CAMK1D: variants seen among roughly 807,000 people sequenced by gnomAD.
The protein encoded by CAMK1D is calcium/calmodulin-dependent protein kinase type 1D.
In CAMK1D, 9 loss-of-function variants were observed where a neutral mutation model predicts 47.7. The observed-to-expected ratio is 0.19, with a 90% CI of 0.11 to 0.33. The LOEUF is 0.33. Ranked by LOEUF, CAMK1D falls within the 10% of genes least tolerant of loss-of-function variation. The pLI is 1.00. For synonymous variants in CAMK1D, 184 were observed against 184.9 expected (o/e 0.99, Z 0.04); for missense variants, 291 against 488.7 (o/e 0.60, Z 3.81).
At chr10:12,489,201 G>A (rs1055531106) in intron 1 of CAMK1D, among the ~76,000 whole-genome samples, 1 of 152,184 alleles carries the variant, frequency 6.6e-6, no homozygotes, top group African/African-American at 2.4e-5. Context: ...GCCTCCCAAA[G>A]TGCTGAGATT....
chr10:12,378,520 C>T (rs868260761), intron 1 of CAMK1D, among the ~76,000 whole-genome samples: 5 of 150,030 alleles, frequency 3.3e-5, no homozygotes, highest in Non-Finnish European at 3.0e-5. Flanking sequence ...TAGGTACGAA[C>T]CACTGTGACT....
At chr10:12,670,449 C>T (rs971220032) in intron 3 of CAMK1D, among the ~76,000 whole-genome samples, 1 of 151,496 alleles carries the variant, frequency 6.6e-6, no homozygotes, top group Non-Finnish European at 1.5e-5. Flanking sequence ...TATTTTCTTC[C>T]ATTTTGTAGC....
Position 12,497,868 on chromosome 10 carries a change from G to A in CAMK1D, c.93-55357G>A, listed in dbSNP as rs567278053. On this transcript the variant is annotated intron_variant, in intron 1 of 10. Coordinates refer to ENST00000619168, the MANE Select transcript of CAMK1D (RefSeq NM_153498.4). ...TTCATACTGCTATGAAGAAATACCC[G>A]AGACTAGAGAATTTATAAGAGGCTT... 1.8e-4 allele frequency among the ~76,000 whole-genome samples: 28 copies of A among 152,284 alleles called. No homozygotes were observed. The East Asian group carries it at 2.3e-3, about 13-fold the overall frequency.
chr10:12,466,223 C>T (rs554373604), intron 1 of CAMK1D, among the ~76,000 whole-genome samples: 9 of 151,940 alleles, frequency 5.9e-5, no homozygotes, highest in South Asian at 4.2e-4. Context: ...CTGGCTAACA[C>T]GGTGAAACCC....
chr10:12,801,445 A>C (rs1298748339), intron 6 of CAMK1D, among the ~76,000 whole-genome samples: 1 of 149,336 alleles, frequency 6.7e-6, no homozygotes, highest in Non-Finnish European at 1.5e-5. Context: ...TCATCCATCC[A>C]TCCATTCATC....
chr10:12,531,736 C>T (rs1483624123), intron 1 of CAMK1D, among the ~76,000 whole-genome samples: 3 of 152,194 alleles, frequency 2.0e-5, no homozygotes. Context: ...ACTGCTGTCC[C>T]CTGACATCGC....
intron 1 of CAMK1D, among the ~76,000 whole-genome samples, chr10:12,429,353 T>C (rs1347068916): frequency 6.9e-6 from 1 of 145,142 alleles, no homozygotes; most frequent in African/African-American, 2.5e-5. Flanking sequence ...TCTTTTTTTC[T>C]TCCTGAGACA....
At chr10:12,511,826 A>C (rs1835049857) in intron 1 of CAMK1D, among the ~76,000 whole-genome samples, 1 of 152,236 alleles carries the variant, frequency 6.6e-6, no homozygotes, top group Non-Finnish European at 1.5e-5. Context: ...CACTACAGTG[A>C]TCATGACGAT....
chr10:12,702,575 T>G lies in CAMK1D; in HGVS notation c.299+35765T>G, dbSNP rs191871818. ...CTATGAAAGCAGTGTGGGCCGCACC[T>G]GTGCCTAGGACTTTACATGTGTATC... On this transcript the variant is annotated intron_variant, in intron 3 of 10. Transcript: ENST00000619168. 9.0e-4 allele frequency among the ~76,000 whole-genome samples: 137 copies of G among 152,378 alleles called. 3 individuals are homozygous for G. In the East Asian group the frequency reaches 0.025, roughly 28 times the overall value.
In CAMK1D at chr10:12,816,301, C is replaced by T. The variant is rs745306887; in HGVS notation, c.806C>T (p.Thr269Met). ...LMEKDPNKRY[T>M]CEQAARHPWI... is the part of the protein sequence containing the mutation. ...GAGAAGGACCCGAATAAAAGATACA[C>T]GTGTGAGCAGGCAGCTCGGCACCCA... Residue 269 changes from threonine (T) to methionine (M), a missense_variant, in exon 8 of 11, where the codon ACG becomes ATG. Thr to Met is a moderately conservative substitution (Grantham distance 81). This residue lies in a region of CAMK1D where 219 missense variants were observed against 424.3 expected (regional missense o/e 0.52). Coordinates refer to ENST00000619168, the MANE Select transcript of CAMK1D (RefSeq NM_153498.4). 12 of 1,613,580 alleles carry T rather than the reference C, an allele frequency of 7.4e-6. No homozygotes were observed. The highest frequency in any genetic ancestry group is 3.3e-5 in the Admixed American group (2 of 59,966).
At chr10:12,411,838 C>T (rs1332280279) in intron 1 of CAMK1D, among the ~76,000 whole-genome samples, 2 of 151,690 alleles carry the variant, frequency 1.3e-5, no homozygotes, top group East Asian at 3.9e-4. Context: ...AGGTGATCCG[C>T]CCGCCTCAGC....
chr10:12,517,772 G>T (rs1316539575), intron 1 of CAMK1D, among the ~76,000 whole-genome samples: 1 of 152,024 alleles, frequency 6.6e-6, no homozygotes, highest in Non-Finnish European at 1.5e-5. Context: ...ATCCCATTTG[G>T]TAACAGTTTG....
At position 12,701,101 on chromosome 10, in the gene CAMK1D, A is replaced by T. The variant is rs182844612; in HGVS notation, c.299+34291A>T. On this transcript the variant is annotated intron_variant, in intron 3 of 10. Transcript: ENST00000619168. ...ATTTCCACTTTTAAGTTGCCCATAG[A>T]TTCTTCTTTTTTTTTTTTTTTCTTT... Among the ~76,000 whole-genome samples the T allele has an allele frequency of 9.4e-5, 14 of 149,422 alleles. No individual in the cohort carries two copies. The East Asian group carries it at 2.8e-3, about 29-fold the overall frequency.
At chr10:12,454,282 C>T (rs1833175445) in intron 1 of CAMK1D, among the ~76,000 whole-genome samples, 1 of 152,216 alleles carries the variant, frequency 6.6e-6, no homozygotes, top group African/African-American at 2.4e-5. Context: ...CCTGCCTCAG[C>T]CTCCTGAGTA....
intron 1 of CAMK1D, among the ~76,000 whole-genome samples, chr10:12,411,417 G>A (rs563472891): frequency 2.0e-5 from 3 of 152,286 alleles, no homozygotes; most frequent in East Asian, 1.9e-4. Context: ...GATGGTCGGC[G>A]TTTGGGTCAG....
In CAMK1D at chr10:12,378,542, ATT is replaced by A. The variant is rs35418457; in HGVS notation, c.92+28645_92+28646del. Reference sequence around the variant, plus strand: ...GAACCACTGTGACTGGCCCCTTAGTATTTTTTTTTTTTTTGAACAAGGGTATC... The same window carrying A: ...GAACCACTGTGACTGGCCCCTTAGTATTTTTTTTTTTTGAACAAGGGTATC... On this transcript the variant is annotated intron_variant, in intron 1 of 10. Coordinates refer to ENST00000619168, the MANE Select transcript of CAMK1D (RefSeq NM_153498.4). Among the ~76,000 whole-genome samples the A allele has an allele frequency of 8.8e-3, 1,266 of 143,208 alleles. 8 individuals are homozygous for A. Among genetic ancestry groups the A allele is most frequent in the African/African-American group, 0.024 (938 of 38,930 alleles). 94.0% of individuals were successfully genotyped at this position (143,208 alleles called of 152,430 possible). A position where few individuals can be genotyped will look rare whatever the true frequency, so the allele number is the denominator to read the frequency against.
chr10:12,739,193 C>T (rs1201984295), intron 3 of CAMK1D, among the ~76,000 whole-genome samples: 3 of 152,112 alleles, frequency 2.0e-5, no homozygotes, highest in Non-Finnish European at 2.9e-5. Context: ...GCCATGATTG[C>T]GCCCCTGCAC....
intron 3 of CAMK1D, among the ~76,000 whole-genome samples, chr10:12,682,465 C>T (rs978141863): frequency 6.6e-6 from 1 of 151,964 alleles, no homozygotes; most frequent in Non-Finnish European, 1.5e-5. Flanking sequence ...AATAATCATA[C>T]CTATAAAAAT....
At chr10:12,657,104 G>A (rs1180520555) in intron 2 of CAMK1D, among the ~76,000 whole-genome samples, 1 of 152,108 alleles carries the variant, frequency 6.6e-6, no homozygotes, top group African/African-American at 2.4e-5. Flanking sequence ...GGTGAACTTG[G>A]TTAATGATTT....
Sources: allele counts gnomAD v4.1 joint callset (sites outside exome capture counted in the v4.1 genomes callset), GRCh38; gene constraint gnomAD v4.1.1; regional missense constraint gnomAD v4.1.1; transcripts MANE v1.5; gene names NCBI Gene and HGNC (gene_info 2026-07-23, HGNC 2026-07-21).